TDRD12: variants seen among roughly 807,000 people sequenced by gnomAD.
TDRD12 encodes putative ATP-dependent RNA helicase TDRD12.
TDRD12 carries 158 observed loss-of-function variants against 133.5 expected under a neutral mutation model. The observed-to-expected ratio is 1.18, with a 90% CI of 1.04 to 1.35. The LOEUF (loss-of-function observed/expected upper bound fraction) is 1.35. TDRD12 is among the 40% of genes most tolerant of loss of function. The pLI, the probability that TDRD12 is intolerant of heterozygous loss-of-function variation, is 0.00. For missense variants in TDRD12, 1,443 were observed against 1,321.3 expected, an observed-to-expected ratio of 1.09 and a Z score of -1.43; for synonymous variants, 460 against 477.9, an observed-to-expected ratio of 0.96 and a Z score of 0.49.
intron 2 of TDRD12, among the ~76,000 whole-genome samples, chr19:32,737,026 T>C (rs1969245021): frequency 6.6e-6 from 1 of 152,236 alleles, no homozygotes; most frequent in Non-Finnish European, 1.5e-5. Flanking sequence ...TAGCTTATGG[T>C]TGGGCAAGAT....
Position 32,800,156 on chromosome 19 carries a change from T to A in TDRD12, c.1759-11T>A. On this transcript the variant is annotated splice_polypyrimidine_tract_variant and intron_variant, in intron 16 of 27. Coordinates refer to ENST00000444215, the Ensembl canonical transcript of TDRD12. ...GAAATAAAAATGAAATTAATTATGC[T>A]AATTTTTCAGATGTTTGCTATATTA... 2.9e-6 allele frequency: 4 copies of A among 1,388,594 alleles called. No homozygotes were observed. The highest frequency in any genetic ancestry group is 3.9e-6 in the Non-Finnish European group (4 of 1,033,682). The allele number at this position is 1,388,594 out of a possible 1,614,324, so 86.0% of individuals were successfully genotyped here.
rs983470746 is a variant in TDRD12 at position 32,801,853 on chromosome 19, C to A, written c.2177C>A (p.Ser726Tyr). The A allele has an allele frequency of 7.1e-6, 10 of 1,402,350 alleles. No homozygotes were observed. In the African/African-American group the frequency reaches 1.3e-4, roughly 18 times the overall value. The allele number at this position is 1,402,350 out of a possible 1,614,324, so 86.9% of individuals were successfully genotyped here. ...GAACAGTGGAAGAAGAAGTTAAGTT[C>A]TGGCTCTCAAATTATATTAGGTAAG... The change falls in exon 19 of 28, where the codon TCT becomes TAT. Residue 726 changes from serine to tyrosine, a missense_variant. Ser to Tyr is a moderately radical substitution (Grantham distance 144, BLOSUM62 -2). Transcript: ENST00000444215.
chr19:32,803,127 CTTTTGGT>C lies in TDRD12; in HGVS notation c.2543_2549del (p.Gly848AlafsTer36). 6.6e-7 allele frequency: 1 copy of C among 1,516,822 alleles called. No individual in the cohort carries two copies. The highest frequency in any genetic ancestry group is 8.8e-7 in the Non-Finnish European group (1 of 1,142,216). 94.0% of individuals were successfully genotyped at this position (1,516,822 alleles called of 1,614,324 possible). On this transcript the variant is annotated frameshift_variant, in exon 21 of 28. Coordinates refer to ENST00000444215, the Ensembl canonical transcript of TDRD12. LOFTEE classifies it high-confidence loss of function. ...AGGCCTCTTTGTCCATATCTGAAGG[CTTTTGGT>C]TTTTGCAAGTGAGCCAGTAATTTGT...
intron 21 of TDRD12, among the ~76,000 whole-genome samples, chr19:32,805,169 T>TA (rs1467165287): frequency 7.8e-6 from 1 of 127,406 alleles, no homozygotes; most frequent in African/African-American, 3.0e-5. Flanking sequence ...ATGTTATATA[T>TA]TATATATATA....
In TDRD12 at chr19:32,720,026, G is replaced by A. The variant is rs553533749; in HGVS notation, c.-47G>A. 2,327 of 1,545,484 alleles carry A rather than the reference G, an allele frequency of 1.5e-3. 38 individuals carry two copies. In the African/African-American group the frequency reaches 0.028, roughly 19 times the overall value. ...CAGCCAGCCTCACCCGCGACGGTAG[G>A]GGACTTCCAGGGCGAGGGGGCCCAT... On this transcript the variant is annotated 5_prime_UTR_variant, in exon 1 of 28. Transcript: ENST00000444215.
At chr19:32,721,730 A>C (rs1968683778) in intron 1 of TDRD12, among the ~76,000 whole-genome samples, 1 of 95,950 alleles carries the variant, frequency 1.0e-5, no homozygotes, top group Non-Finnish European at 2.2e-5. Context: ...TATTTTGAGA[A>C]GGAGTCTTGC....
chr19:32,744,793 C>T (rs1308270285), intron 4 of TDRD12, among the ~76,000 whole-genome samples: 1 of 152,126 alleles, frequency 6.6e-6, no homozygotes, highest in Non-Finnish European at 1.5e-5. Context: ...TGCTCCTCCT[C>T]TTCTCCCTTC....
chr19:32,801,743 A>G lies in TDRD12; in HGVS notation c.2080-13A>G, dbSNP rs1213189362. ...CCCTGACTGTGACCTGGCCTCTTTG[A>G]TTTCATCTTTAGGTAGTAGAAAGCA... On this transcript the variant is annotated splice_polypyrimidine_tract_variant and intron_variant, in intron 18 of 27. Transcript: ENST00000444215. The G allele has an allele frequency of 4.4e-6, 5 of 1,145,868 alleles. No homozygotes were observed. Among genetic ancestry groups the G allele is most frequent in the Non-Finnish European group, 6.1e-6 (5 of 818,104 alleles). The allele number at this position is 1,145,868 out of a possible 1,614,324, so 71.0% of individuals were successfully genotyped here.
downstream of TDRD12, among the ~76,000 whole-genome samples, chr19:32,822,119 A>C (rs183075012): frequency 1.5e-3 from 228 of 151,424 alleles, no homozygotes; most frequent in African/African-American, 5.2e-3. Context: ...AGACTATAAA[A>C]AACAAAAAAC....
At chr19:32,754,621 G>GTAGA (rs910710246) in intron 6 of TDRD12, among the ~76,000 whole-genome samples, 4 of 142,616 alleles carry the variant, frequency 2.8e-5, no homozygotes, top group Non-Finnish European at 6.1e-5. Context: ...CTTTTCAAAA[G>GTAGA]TAGATCTCTT....
At chr19:32,754,857 A>G (rs1435793675) in intron 6 of TDRD12, among the ~76,000 whole-genome samples, 1 of 151,954 alleles carries the variant, frequency 6.6e-6, no homozygotes, top group African/African-American at 2.4e-5. Flanking sequence ...TTGTATTTTT[A>G]GTAGAGACGG....
chr19:32,798,696 G>A (rs890035283), intron 16 of TDRD12, among the ~76,000 whole-genome samples: 5 of 152,164 alleles, frequency 3.3e-5, no homozygotes, highest in African/African-American at 9.7e-5. Context: ...CAGAAGTAAT[G>A]ATTTTTATTT....
At chr19:32,798,776 T>C (rs1249241470) in intron 16 of TDRD12, among the ~76,000 whole-genome samples, 1 of 152,212 alleles carries the variant, frequency 6.6e-6, no homozygotes, top group African/African-American at 2.4e-5. Flanking sequence ...TCAGAAGGGA[T>C]CCCTCTTACT....
At chr19:32,805,675 T>C (rs1599610930) in intron 21 of TDRD12, among the ~76,000 whole-genome samples, 2 of 152,090 alleles carry the variant, frequency 1.3e-5, no homozygotes, top group South Asian at 2.1e-4. Context: ...CTCATCAAGG[T>C]TGTTTGGCTA....
At chr19:32,824,290 C>G (rs1254470817), downstream of TDRD12, 1 of 152,568 alleles carries the variant, frequency 6.6e-6, no homozygotes, top group Non-Finnish European at 1.5e-5. Context: ...AGAGGCTCAT[C>G]ACAGTTAGGG....
chr19:32,726,855 G>C (rs1363075287), intron 1 of TDRD12, among the ~76,000 whole-genome samples: 1 of 152,078 alleles, frequency 6.6e-6, no homozygotes, highest in African/African-American at 2.4e-5. Flanking sequence ...GGGACACTGG[G>C]TTGCTTCCAC....
intron 1 of TDRD12, among the ~76,000 whole-genome samples, chr19:32,720,832 G>A (rs1039309054): frequency 4.2e-3 from 91 of 21,792 alleles, no homozygotes; most frequent in African/African-American, 0.017. Context: ...CCCTCCCTGC[G>A]CCCCCACCAG....
intron 21 of TDRD12, among the ~76,000 whole-genome samples, chr19:32,806,449 T>C (rs901058945): frequency 6.6e-6 from 1 of 150,688 alleles, no homozygotes. Context: ...TTCAAGCAGT[T>C]CTTGTGCCTC....
At chr19:32,751,776 C>G (rs1969835548) in intron 6 of TDRD12, among the ~76,000 whole-genome samples, 1 of 151,958 alleles carries the variant, frequency 6.6e-6, no homozygotes, top group Non-Finnish European at 1.5e-5. Context: ...CCAGGCTGGT[C>G]TCAACAGGCA....
Sources: gnomAD v4.1 joint callset for allele counts (sites outside exome capture counted in the v4.1 genomes callset) on GRCh38, gnomAD v4.1.1 for gene constraint, MANE v1.5 for transcripts, NCBI Gene and HGNC (gene_info 2026-07-23, HGNC 2026-07-21) for gene names.